Variants in RBFOX1 observed in about 807,000 individuals in gnomAD.
RBFOX1 encodes RNA binding fox-1 homolog 1, also known as RNA binding protein fox-1 homolog 1.
In RBFOX1, 8 loss-of-function variants were observed where a neutral mutation model predicts 57.7. The ratio of observed to expected loss-of-function variants is 0.14; its 90% CI spans 0.08 to 0.25. The LOEUF (loss-of-function observed/expected upper bound fraction) is 0.25. Among genes scored for constraint, RBFOX1 ranks in the 10% least tolerant of loss-of-function variants. RBFOX1 has a pLI of 1.00. For synonymous variants in RBFOX1, 326 were observed against 222.4 expected (o/e 1.47, Z -4.15); for missense variants, 611 against 548.5 (o/e 1.11, Z -1.14).
At chr16:6,868,056 A>G (rs2060241400) in intron 3 of RBFOX1, among the ~76,000 whole-genome samples, 2 of 152,196 alleles carry the variant, frequency 1.3e-5, no homozygotes. Context: ...TATTATAGTA[A>G]TGTTTTTGCC....
At chr16:7,416,325 G>C (rs2098477467) in intron 4 of RBFOX1, among the ~76,000 whole-genome samples, 2 of 152,210 alleles carry the variant, frequency 1.3e-5, no homozygotes, top group South Asian at 2.1e-4. Context: ...ACAAGTCAAA[G>C]CTTTCTGTTG....
At chr16:6,239,513 T>TG (rs2097528701) in intron 1 of RBFOX1, among the ~76,000 whole-genome samples, 1 of 87,748 alleles carries the variant, frequency 1.1e-5, no homozygotes, top group Non-Finnish European at 2.3e-5. Flanking sequence ...TTTTTTTTTT[T>TG]TCTGAGATAG....
At chr16:6,121,310 T>G (rs1007444724) in intron 1 of RBFOX1, among the ~76,000 whole-genome samples, 2 of 152,188 alleles carry the variant, frequency 1.3e-5, no homozygotes, top group African/African-American at 4.8e-5. Context: ...CTGTATTCTT[T>G]ACAAGGTGCC....
intron 2 of RBFOX1, among the ~76,000 whole-genome samples, chr16:6,400,778 C>T (rs1026275441): frequency 5.3e-5 from 8 of 151,968 alleles, no homozygotes; most frequent in Admixed American, 5.2e-4. Context: ...GCTTGTAGTC[C>T]CAGCTACTCA....
chr16:6,910,252 C>A (rs139286379), intron 3 of RBFOX1, among the ~76,000 whole-genome samples: 127 of 152,234 alleles, frequency 8.3e-4, no homozygotes, highest in African/African-American at 2.7e-3. Context: ...ATTTGCAGTT[C>A]AGGCATTTTC....
rs117566906 is a variant in RBFOX1, at chr16:5,654,950, C to G, written c.318+55989C>G. ...ATTTCAGCATCCAGGACAGCTCCCCCCCAGCAAGTAGAGGCTCTCCTGCTT... is the reference window on the plus strand; with the variant it reads ...ATTTCAGCATCCAGGACAGCTCCCCGCCAGCAAGTAGAGGCTCTCCTGCTT... On this transcript the variant is annotated intron_variant, in intron 3 of 19. Coordinates refer to the RBFOX1 transcript ENST00000641259. 4.1e-3 allele frequency among the ~76,000 whole-genome samples: 629 copies of G among 152,282 alleles called. 5 individuals carry two copies. Among genetic ancestry groups the G allele is most frequent in the Middle Eastern group, 0.024 (7 of 294 alleles).
intron 3 of RBFOX1, among the ~76,000 whole-genome samples, chr16:7,022,462 T>C (rs1264808259): frequency 6.6e-6 from 1 of 152,104 alleles, no homozygotes; most frequent in Non-Finnish European, 1.5e-5. Context: ...TCTCTGAGTT[T>C]ATGGAGTTGG....
intron 3 of RBFOX1, among the ~76,000 whole-genome samples, chr16:6,825,264 ACCCCT>A: frequency 6.7e-6 from 1 of 149,848 alleles, no homozygotes; most frequent in East Asian, 2.0e-4. Flanking sequence ...CCAATGCCAC[ACCCCT>A]TCCCTACTCT....
chr16:6,898,556 C>T (rs923666012), intron 3 of RBFOX1, among the ~76,000 whole-genome samples: 9 of 152,126 alleles, frequency 5.9e-5, no homozygotes, highest in Non-Finnish European at 1.0e-4. Context: ...ATGGATTCTG[C>T]TGTGTTACAC....
At chr16:7,266,195 T>A (rs1393465543) in intron 4 of RBFOX1, among the ~76,000 whole-genome samples, 1 of 151,946 alleles carries the variant, frequency 6.6e-6, no homozygotes, top group Non-Finnish European at 1.5e-5. Flanking sequence ...CAAGATAGTG[T>A]GGATCTCCTG....
intron 1 of RBFOX1, among the ~76,000 whole-genome samples, chr16:5,251,529 C>G (rs4786655): frequency 0.3 from 46,111 of 152,078 alleles, 7,463 homozygotes; most frequent in South Asian, 0.43. Context: ...GGGTCAGAGA[C>G]TGGGGCAATG....
chr16:7,380,261 T>A (rs1219127173), intron 4 of RBFOX1, among the ~76,000 whole-genome samples: 3 of 152,210 alleles, frequency 2.0e-5, no homozygotes, highest in Non-Finnish European at 4.4e-5. Context: ...CTTCACCACA[T>A]AGAATCGTAT....
intron 4 of RBFOX1, among the ~76,000 whole-genome samples, chr16:7,220,284 T>C (rs1023813176): frequency 2.0e-5 from 3 of 152,232 alleles, no homozygotes; most frequent in Non-Finnish European, 4.4e-5. Context: ...CTGCCCATTT[T>C]TCCTGGCTCT....
At chr16:6,512,942 C>G (rs1379010711) in intron 2 of RBFOX1, among the ~76,000 whole-genome samples, 2 of 152,196 alleles carry the variant, frequency 1.3e-5, no homozygotes, top group African/African-American at 4.8e-5. Context: ...TGCTGTTACA[C>G]ATGAAGTTTT....
chr16:7,527,826 G>C (rs148130387), intron 5 of RBFOX1, among the ~76,000 whole-genome samples: 2 of 152,124 alleles, frequency 1.3e-5, no homozygotes, highest in African/African-American at 2.4e-5. Context: ...AAATCAGAGC[G>C]GTCTCCTTGG....
intron 4 of RBFOX1, among the ~76,000 whole-genome samples, chr16:7,138,798 G>A (rs1425807744): frequency 6.6e-6 from 1 of 152,076 alleles, no homozygotes; most frequent in Non-Finnish European, 1.5e-5. Flanking sequence ...GGAGAGCTCT[G>A]CTGCTGGATA....
At chr16:5,995,380 G>A (rs1049369643) in intron 4 of RBFOX1, among the ~76,000 whole-genome samples, 2 of 152,132 alleles carry the variant, frequency 1.3e-5, no homozygotes, top group East Asian at 3.9e-4. Flanking sequence ...CATTAAGATA[G>A]ATTGCCCGCC....
chr16:6,363,884 A>C (rs1157614763), intron 2 of RBFOX1, among the ~76,000 whole-genome samples: 1 of 152,212 alleles, frequency 6.6e-6, no homozygotes. Flanking sequence ...ATTAAATGAA[A>C]CTAGGTCTAC....
At position 5,471,783 on chromosome 16, in the gene RBFOX1, G is replaced by A. The variant is rs76074460; in HGVS notation, c.258+4529G>A. Reference sequence around the variant, plus strand: ...TAAATGGATAAATCTCCTTGGCAGCGGTATATTTCTAGAGTCTAGCCTAGA... The same window carrying A: ...TAAATGGATAAATCTCCTTGGCAGCAGTATATTTCTAGAGTCTAGCCTAGA... On this transcript the variant is annotated intron_variant, in intron 2 of 2. Coordinates refer to the RBFOX1 transcript ENST00000585867. Among the ~76,000 whole-genome samples, 281 of 152,278 alleles carry A rather than the reference G, an allele frequency of 1.8e-3. 4 individuals are homozygous for A. The East Asian group carries it at 0.04, about 22-fold the overall frequency.
Sources: allele counts gnomAD v4.1 joint callset (sites outside exome capture counted in the v4.1 genomes callset), GRCh38; gene constraint gnomAD v4.1.1; transcripts MANE v1.5; gene names NCBI Gene and HGNC (gene_info 2026-07-23, HGNC 2026-07-21).